SLC22A24: variants seen among roughly 807,000 people sequenced by gnomAD.
SLC22A24 encodes steroid transmembrane transporter SLC22A24.
Under a neutral mutation model 49.8 loss-of-function variants are expected in SLC22A24, and 53 were observed. The observed-to-expected ratio is 1.06, with a 90% CI of 0.85 to 1.34. The LOEUF is 1.34. SLC22A24 is among the 40% of genes most tolerant of loss of function. The probability of loss-of-function intolerance (pLI) is 0.00; values close to 1 mark genes in which losing one functional copy is unlikely to be tolerated. For missense variants in SLC22A24, 786 were observed against 675.9 expected, an observed-to-expected ratio of 1.16 and a Z score of -1.81; for synonymous variants, 302 against 256.4, an observed-to-expected ratio of 1.18 and a Z score of -1.70.
At chr11:63,124,606 TG>T (rs2134671687) in intron 2 of SLC22A24, among the ~76,000 whole-genome samples, 1 of 152,304 alleles carries the variant, frequency 6.6e-6, no homozygotes, top group East Asian at 1.9e-4. Context: ...ATCTGAGCCA[TG>T]GTTATTGAAA....
chr11:63,131,154 G>A (rs1210794988), intron 2 of SLC22A24, among the ~76,000 whole-genome samples: 4 of 151,732 alleles, frequency 2.6e-5, no homozygotes, highest in Admixed American at 1.3e-4. Context: ...CCTGTATTTT[G>A]AGCCTATACA....
At chr11:63,119,524 A>C (rs1307494411) in intron 2 of SLC22A24, among the ~76,000 whole-genome samples, 189 bp from the exon 3 acceptor site, 1 of 152,188 alleles carries the variant, frequency 6.6e-6, no homozygotes, top group Admixed American at 6.5e-5. Flanking sequence ...ATTTGTCAGT[A>C]TGAGAGTGTT....
chr11:63,097,020 T>C (rs2087058936), intron 5 of SLC22A24, among the ~76,000 whole-genome samples: 1 of 152,150 alleles, frequency 6.6e-6, no homozygotes, highest in South Asian at 2.1e-4. Context: ...TATTAATTCA[T>C]TTCTTACATT....
At chr11:63,139,002 G>A (rs967279491) in intron 1 of SLC22A24, among the ~76,000 whole-genome samples, 2 of 152,140 alleles carry the variant, frequency 1.3e-5, no homozygotes, top group African/African-American at 4.8e-5. Context: ...GGCTGCTTGG[G>A]TAATAAGAGA....
intron 1 of SLC22A24, among the ~76,000 whole-genome samples, chr11:63,141,712 T>A (rs1174605678): frequency 6.6e-6 from 1 of 152,218 alleles, no homozygotes; most frequent in African/African-American, 2.4e-5. Context: ...TAAAAAGCCT[T>A]ATCTGAGATT....
chr11:63,114,814 C>G (rs2087200020), intron 4 of SLC22A24, among the ~76,000 whole-genome samples: 1 of 152,200 alleles, frequency 6.6e-6, no homozygotes, highest in South Asian at 2.1e-4. Context: ...ACAGCCAGGT[C>G]CCTCAGCTGC....
At chr11:63,105,731 T>A (rs1013617510) in intron 4 of SLC22A24, among the ~76,000 whole-genome samples, 1 of 152,072 alleles carries the variant, frequency 6.6e-6, no homozygotes, top group Non-Finnish European at 1.5e-5. Context: ...GCTGCCCAAA[T>A]GTCTCTGACA....
chr11:63,106,711 A>G (rs1286957137), intron 4 of SLC22A24, among the ~76,000 whole-genome samples: 7 of 151,376 alleles, frequency 4.6e-5, no homozygotes, highest in Non-Finnish European at 8.8e-5. Context: ...GTGTTTTTTG[A>G]CTGCATAAAT....
chr11:63,111,113 G>A (rs1183323241), intron 4 of SLC22A24, among the ~76,000 whole-genome samples: 1 of 151,970 alleles, frequency 6.6e-6, no homozygotes, highest in African/African-American at 2.4e-5. Flanking sequence ...TAATCATGTG[G>A]TTTTTGTCTT....
At chr11:63,099,255 TG>T in intron 5 of SLC22A24, among the ~76,000 whole-genome samples, 1 of 151,924 alleles carries the variant, frequency 6.6e-6, no homozygotes, top group East Asian at 1.9e-4. Flanking sequence ...TGGAGTGCAG[TG>T]ATGCTTTCAT....
At chr11:63,128,812 C>T (rs1284165621) in intron 2 of SLC22A24, among the ~76,000 whole-genome samples, 1 of 152,132 alleles carries the variant, frequency 6.6e-6, no homozygotes, top group East Asian at 1.9e-4. Context: ...AATAACAGCG[C>T]AGCCTGGCAT....
intron 2 of SLC22A24, among the ~76,000 whole-genome samples, chr11:63,127,917 C>T (rs889221341): frequency 6.6e-6 from 1 of 151,692 alleles, no homozygotes; most frequent in Non-Finnish European, 1.5e-5. Flanking sequence ...CTGTAGGTTG[C>T]CTGTTCACTC....
intron 4 of SLC22A24, among the ~76,000 whole-genome samples, chr11:63,107,558 C>T (rs2087129912): frequency 6.6e-6 from 1 of 152,150 alleles, no homozygotes; most frequent in Non-Finnish European, 1.5e-5. Flanking sequence ...CTCTTCCTGT[C>T]CATGAGCATG....
At chr11:63,128,962 G>C (rs1450315167) in intron 2 of SLC22A24, among the ~76,000 whole-genome samples, 1 of 152,174 alleles carries the variant, frequency 6.6e-6, no homozygotes, top group South Asian at 2.1e-4. Context: ...CATAGACCCT[G>C]TAGGGCTGGT....
intron 6 of SLC22A24, among the ~76,000 whole-genome samples, chr11:63,087,264 A>C (rs181558523): frequency 1.3e-5 from 2 of 152,134 alleles, no homozygotes; most frequent in Non-Finnish European, 2.9e-5. Flanking sequence ...CTGGTTAGGC[A>C]GTGGCTGCAA....
At chr11:63,113,079 C>CATATATATATACATATATATAT (rs1388675260) in intron 4 of SLC22A24, among the ~76,000 whole-genome samples, 1 of 1,046 alleles carries the variant, frequency 9.6e-4, no homozygotes, top group African/African-American at 1.2e-3. Flanking sequence ...CATATATATA[C>CATATATATATACATATATATAT]ACATATATAT....
At chr11:63,113,231 T>TATATATACACATATATATATATAC (rs2087187453) in intron 4 of SLC22A24, among the ~76,000 whole-genome samples, 5 of 125,214 alleles carry the variant, frequency 4.0e-5, no homozygotes, top group African/African-American at 1.7e-4. Flanking sequence ...TATATATACA[T>TATATATACACATATATATATATAC]ATATATATAT....
At position 63,143,499 on chromosome 11, in the gene SLC22A24, G is replaced by A. The variant is rs527623049; in HGVS notation, c.281C>T (p.Pro94Leu). 3 of 1,601,464 alleles carry A rather than the reference G, an allele frequency of 1.9e-6. No individual in the cohort carries two copies. The highest frequency in any genetic ancestry group is 1.1e-5 in the South Asian group (1 of 89,012). ...GTTCAGGTGAAGGAGCTGCCACTGGGGATGGATAAAGCGCTGACACTTCTG... is the reference window on the plus strand; with the variant it reads ...GTTCAGGTGAAGGAGCTGCCACTGGAGATGGATAAAGCGCTGACACTTCTG... ...RPQKCQRFIH[P>L]QWQLLHLNGT... is the part of the protein sequence containing the mutation. Residue 94 changes from proline (P) to leucine (L), a missense_variant, in exon 1 of 10, where the codon CCC (proline) becomes CTC (leucine). Physicochemically the swap from Pro to Leu is moderately conservative, Grantham distance 98 (BLOSUM62 -3). Transcript: ENST00000612278.
chr11:63,083,141 C>T, intron 7 of SLC22A24, 102 bp downstream of exon 7: 2 of 920,702 alleles, frequency 2.2e-6, no homozygotes, highest in East Asian at 5.3e-5. Flanking sequence ...TTTTGGCTGT[C>T]AAGGGCAATG....
Sources: allele counts gnomAD v4.1 joint callset (sites outside exome capture counted in the v4.1 genomes callset), GRCh38; gene constraint gnomAD v4.1.1; transcripts MANE v1.5; gene names NCBI Gene and HGNC (gene_info 2026-07-23, HGNC 2026-07-21).